The following EFR3B variants were observed in gnomAD, a reference collection of about 807,000 sequenced individuals.
EFR3B encodes the protein protein EFR3 homolog B.
EFR3B carries 64 observed loss-of-function variants against 104.7 expected under a neutral mutation model. The observed-to-expected ratio is 0.61, with a 90% CI of 0.50 to 0.75. The LOEUF is 0.75. EFR3B is among the 30% of genes least tolerant of loss of function. The pLI is 0.00. For missense variants in EFR3B, 750 were observed against 1,078.5 expected (o/e 0.70, Z 4.27); for synonymous variants, 385 against 417.9 (o/e 0.92, Z 0.96).
intron 4 of EFR3B, among the ~76,000 whole-genome samples, chr2:25,118,125 G>A (rs544626497): frequency 9.9e-5 from 15 of 152,194 alleles, no homozygotes; most frequent in East Asian, 5.8e-4. Context: ...GATTACAGGC[G>A]CGTACCGCCA....
chr2:25,144,425 TC>T (rs34560400), intron 18 of EFR3B, among the ~76,000 whole-genome samples: 31,787 of 151,972 alleles, frequency 0.21, 4,288 homozygotes, highest in Non-Finnish European at 0.32. Context: ...GTGCCTGTAG[TC>T]CCAGCTACTC....
At chr2:25,053,849 G>A (rs1313024659) in intron 1 of EFR3B, among the ~76,000 whole-genome samples, 1 of 152,232 alleles carries the variant, frequency 6.6e-6, no homozygotes, top group African/African-American at 2.4e-5. Flanking sequence ...AGAGGTTGCA[G>A]TGAGCCAAGA....
intron 1 of EFR3B, among the ~76,000 whole-genome samples, chr2:25,047,706 C>T (rs1667760696): frequency 6.6e-6 from 1 of 152,026 alleles, no homozygotes; most frequent in Admixed American, 6.6e-5. Flanking sequence ...ACCACATTGG[C>T]CAGGCTAGTC....
intron 3 of EFR3B, among the ~76,000 whole-genome samples, chr2:25,095,229 G>A (rs951974305): frequency 2.0e-5 from 3 of 152,194 alleles, no homozygotes; most frequent in African/African-American, 4.8e-5. Flanking sequence ...TATGTCATTT[G>A]ATAAAATGTT....
At chr2:25,067,426 G>GTTT (rs111972158) in intron 1 of EFR3B, among the ~76,000 whole-genome samples, 4 of 142,788 alleles carry the variant, frequency 2.8e-5, no homozygotes, top group African/African-American at 7.8e-5. Flanking sequence ...TTTAGTTTTT[G>GTTT]TTTTTTTTTT....
At position 25,050,130 on chromosome 2, in the gene EFR3B, G is replaced by GA. The variant is rs766281554; in HGVS notation, c.7+7824dup. Among the ~76,000 whole-genome samples, 554 of 138,656 alleles carry GA rather than the reference G, an allele frequency of 4.0e-3. 3 individuals carry two copies. Among genetic ancestry groups the GA allele is most frequent in the African/African-American group, 0.011 (408 of 37,948 alleles). The allele number at this position is 138,656 out of a possible 152,430, so 91.0% of individuals were successfully genotyped here. Reference sequence around the variant, plus strand: ...GGGCAACAAGAGTGAAACTCCATCTGAAAAAAAAAAAAATAGATAAGGAGA... The same window carrying GA: ...GGGCAACAAGAGTGAAACTCCATCTGAAAAAAAAAAAAAATAGATAAGGAGA... On this transcript the variant is annotated intron_variant, in intron 1 of 22. Transcript: ENST00000403714.
At chr2:25,075,598 A>G (rs1258338057) in intron 1 of EFR3B, among the ~76,000 whole-genome samples, 4 of 152,116 alleles carry the variant, frequency 2.6e-5, no homozygotes, top group East Asian at 1.9e-4. Flanking sequence ...GATCCTGATT[A>G]TATGTTCCAT....
chr2:25,042,589 G>T lies in EFR3B; in HGVS notation c.7+270G>T, dbSNP rs1667602533. 2 of 1,194,364 alleles carry T rather than the reference G, an allele frequency of 1.7e-6. No homozygotes were observed. The highest frequency in any genetic ancestry group is 3.5e-5 in the East Asian group (1 of 28,614). 74.0% of individuals were successfully genotyped at this position (1,194,364 alleles called of 1,614,324 possible). ...GGGGGGCGGAGGCTCAGGGGAAAGC[G>T]GGTCTCCCGGAGCCGAGCAGACCGG... On this transcript the variant is annotated intron_variant, in intron 1 of 22. Transcript: ENST00000403714. This position sits in a 1 kb window ranked among gnomAD's most constrained non-coding sequence, Gnocchi z 5.4.
intron 1 of EFR3B, among the ~76,000 whole-genome samples, chr2:25,075,193 A>G (rs1558591444): frequency 6.6e-6 from 1 of 152,130 alleles, no homozygotes; most frequent in Non-Finnish European, 1.5e-5. Flanking sequence ...CCCACCTGGC[A>G]TATTTATTCT....
intron 2 of EFR3B, among the ~76,000 whole-genome samples, chr2:25,092,728 TA>T (rs1669165620): frequency 6.6e-6 from 1 of 151,900 alleles, no homozygotes; most frequent in Non-Finnish European, 1.5e-5. Flanking sequence ...TTTGTATTTT[TA>T]GTAAAGACAG....
chr2:25,046,760 C>T (rs1289708829), intron 1 of EFR3B, among the ~76,000 whole-genome samples: 2 of 152,112 alleles, frequency 1.3e-5, no homozygotes, highest in Non-Finnish European at 2.9e-5. Flanking sequence ...GCCTCGGCCT[C>T]CCAAAGTGCT....
chr2:25,074,752 G>T (rs912340502), intron 1 of EFR3B, among the ~76,000 whole-genome samples: 1 of 151,424 alleles, frequency 6.6e-6, no homozygotes, highest in Non-Finnish European at 1.5e-5. Flanking sequence ...TGAGTAGCTG[G>T]GACTACAGGT....
In EFR3B at chr2:25,058,773, CCCAA is replaced by C. The variant is rs1306031591; in HGVS notation, c.7+16455_7+16458del. On this transcript the variant is annotated intron_variant, in intron 1 of 22. Transcript: ENST00000403714. ...GACTCTGTCTCCCCGCGCCCCCCCC[CCCAA>C]AAAAAAAAACAATAACCAAGTGTTG... is the stretch of plus-strand genomic sequence containing the variant. Among the ~76,000 whole-genome samples the C allele has an allele frequency of 1.8e-3, 248 of 138,530 alleles. 5 individuals are homozygous for C. The highest frequency in any genetic ancestry group is 6.3e-3 in the African/African-American group (229 of 36,580). 90.9% of individuals were successfully genotyped at this position (138,530 alleles called of 152,430 possible).
At chr2:25,121,587 C>T (rs1364088435) in intron 4 of EFR3B, 86 bp from the exon 5 acceptor site, 18 of 1,512,320 alleles carry the variant, frequency 1.2e-5, no homozygotes, top group Middle Eastern at 4.1e-4. Flanking sequence ...CATGGCTTGA[C>T]CATGGCAGGG....
rs371847390 is a variant in EFR3B at position 25,152,118 on chromosome 2, GACC to G, written c.2298+103_2298+105del. On this transcript the variant is annotated intron_variant, in intron 21 of 22. Coordinates refer to ENST00000403714, the MANE Select transcript of EFR3B (RefSeq NM_014971.2). The stretch of plus-strand genomic sequence containing the variant: ...AGTTCCTAGGAGATCTTGGCTCTTT[GACC>G]ACCAACCTCCCCCACCCCCACCCTG... 98 of 1,231,328 alleles carry G rather than the reference GACC, an allele frequency of 8.0e-5. 1 individual carries two copies. In the African/African-American group the frequency reaches 1.0e-3, roughly 13 times the overall value. The allele number at this position is 1,231,328 out of a possible 1,614,324, so 76.3% of individuals were successfully genotyped here.
intron 1 of EFR3B, among the ~76,000 whole-genome samples, chr2:25,045,651 A>G (rs770135518): frequency 5.3e-5 from 8 of 152,016 alleles, no homozygotes; most frequent in Non-Finnish European, 7.4e-5. Flanking sequence ...GCGTGGTGGC[A>G]GGTACCTGTA....
intron 19 of EFR3B, chr2:25,146,584 G>C (rs1670823471): frequency 6.6e-6 from 1 of 152,178 alleles, no homozygotes; most frequent in Non-Finnish European, 1.5e-5. Flanking sequence ...GAGACCCTCG[G>C]GAATTGAGGA....
At chr2:25,043,469 ATT>A (rs1041718098) in intron 1 of EFR3B, among the ~76,000 whole-genome samples, 3 of 152,158 alleles carry the variant, frequency 2.0e-5, no homozygotes, top group Non-Finnish European at 2.9e-5. Flanking sequence ...AGGCTCAGCA[ATT>A]GGTGGGCCCC....
intron 1 of EFR3B, among the ~76,000 whole-genome samples, chr2:25,061,655 G>A (rs1447701134): frequency 2.0e-5 from 3 of 150,742 alleles, no homozygotes; most frequent in East Asian, 2.0e-4. Context: ...CACCACGCCC[G>A]GCTATTTCTT....
Sources: allele counts gnomAD v4.1 joint callset (sites outside exome capture counted in the v4.1 genomes callset), GRCh38; gene constraint gnomAD v4.1.1; non-coding constraint Gnocchi (gnomAD v3.1); transcripts MANE v1.5; gene names NCBI Gene and HGNC (gene_info 2026-07-23, HGNC 2026-07-21).